Variants in TSHZ2 observed in about 807,000 individuals in gnomAD.
TSHZ2 encodes teashirt homolog 2.
In TSHZ2, 21 loss-of-function variants were observed where a neutral mutation model predicts 74.4. That is an observed-to-expected ratio of 0.28 (90% CI 0.20 to 0.41). TSHZ2 has a LOEUF of 0.41. Among genes scored for constraint, TSHZ2 ranks in the 10% least tolerant of loss-of-function variants. TSHZ2 has a pLI of 1.00. For synonymous variants in TSHZ2, 540 were observed against 515.3 expected (o/e 1.05, Z -0.65); for missense variants, 1,244 against 1,293.5 (o/e 0.96, Z 0.59).
rs1600623038 is a variant in TSHZ2, at chr20:52,972,873, T to C, written c.-421T>C. On this transcript the variant is annotated 5_prime_UTR_variant, in exon 1 of 3. Transcript: ENST00000371497. ...CGCGCGAGTGTGCCTGTGGCGCGTGTGCGCCCCTCGTCCCTTCCATCCGAA... is the reference window on the plus strand; with the variant it reads ...CGCGCGAGTGTGCCTGTGGCGCGTGCGCGCCCCTCGTCCCTTCCATCCGAA... 4.0e-5 allele frequency: 9 copies of C among 224,668 alleles called. No homozygotes were observed. The South Asian group carries it at 1.4e-3, about 35-fold the overall frequency. The allele number at this position is 224,668 out of a possible 1,614,324, so 13.9% of individuals were successfully genotyped here.
intron 1 of TSHZ2, among the ~76,000 whole-genome samples, chr20:52,997,752 G>A (rs1353536720): frequency 6.6e-6 from 1 of 152,158 alleles, no homozygotes; most frequent in Non-Finnish European, 1.5e-5. Context: ...AATCTTTGTG[G>A]CTTCCAAAGG....
chr20:53,349,410 A>T (rs1250129807), intron 2 of TSHZ2, among the ~76,000 whole-genome samples: 1 of 152,214 alleles, frequency 6.6e-6, no homozygotes, highest in African/African-American at 2.4e-5. Flanking sequence ...CTAGCACTTT[A>T]AGAGGCTGAG....
At chr20:53,219,681 C>T (rs1016915364) in intron 1 of TSHZ2, among the ~76,000 whole-genome samples, 3 of 152,050 alleles carry the variant, frequency 2.0e-5, no homozygotes, top group East Asian at 1.9e-4. Flanking sequence ...AGAGCTCCAG[C>T]GATCAAAGAA....
At chr20:53,107,051 C>T (rs547958063) in intron 1 of TSHZ2, among the ~76,000 whole-genome samples, 1 of 152,252 alleles carries the variant, frequency 6.6e-6, no homozygotes, top group South Asian at 2.1e-4. Flanking sequence ...TGTATCTTTC[C>T]CGTTGCTGTT....
At chr20:53,367,525 G>C (rs1422141621) in intron 2 of TSHZ2, among the ~76,000 whole-genome samples, 1 of 152,138 alleles carries the variant, frequency 6.6e-6, no homozygotes, top group African/African-American at 2.4e-5. Context: ...ACCCTAGATA[G>C]TAGGTACTGC....
At chr20:53,099,000 G>A (rs1386628884) in intron 1 of TSHZ2, among the ~76,000 whole-genome samples, 1 of 152,158 alleles carries the variant, frequency 6.6e-6, no homozygotes, top group African/African-American at 2.4e-5. Context: ...CATTGCCAAT[G>A]AGTCTTTGCC....
chr20:53,096,211 G>A (rs1986040528), intron 1 of TSHZ2, among the ~76,000 whole-genome samples: 1 of 152,068 alleles, frequency 6.6e-6, no homozygotes, highest in African/African-American at 2.4e-5. Context: ...CTGCAATCTC[G>A]GCTCACTGCA....
chr20:53,247,334 T>C (rs1226389698), intron 1 of TSHZ2, among the ~76,000 whole-genome samples: 1 of 152,200 alleles, frequency 6.6e-6, no homozygotes, highest in Non-Finnish European at 1.5e-5. Flanking sequence ...AAATGAAGTC[T>C]GTGCTCAGGA....
At chr20:53,390,910 G>A (rs1322589106) in intron 2 of TSHZ2, among the ~76,000 whole-genome samples, 2 of 152,196 alleles carry the variant, frequency 1.3e-5, no homozygotes, top group East Asian at 3.8e-4. Context: ...AGGGACCAGA[G>A]AGTAAATATT....
At chr20:53,006,487 G>A (rs1474980819) in intron 1 of TSHZ2, among the ~76,000 whole-genome samples, 3 of 152,190 alleles carry the variant, frequency 2.0e-5, no homozygotes, top group Non-Finnish European at 4.4e-5. Context: ...TAGCCAATAG[G>A]GAGTGGTGAG....
intron 2 of TSHZ2, among the ~76,000 whole-genome samples, chr20:53,452,561 C>T (rs1005487908): frequency 1.4e-4 from 21 of 149,314 alleles, no homozygotes; most frequent in East Asian, 7.9e-4. Flanking sequence ...ATTGAGCCAC[C>T]GCACTCTAGC....
chr20:53,141,252 C>T (rs1987394576), intron 1 of TSHZ2, among the ~76,000 whole-genome samples: 4 of 152,210 alleles, frequency 2.6e-5, no homozygotes, highest in Non-Finnish European at 5.9e-5. Context: ...CAGCCAGCCT[C>T]CAGAGTTGTC....
chr20:53,000,087 A>G (rs1421785552), intron 1 of TSHZ2, among the ~76,000 whole-genome samples: 1 of 152,216 alleles, frequency 6.6e-6, no homozygotes, highest in Non-Finnish European at 1.5e-5. Context: ...CTCACTCACC[A>G]TTATAGACAT....
At chr20:53,233,294 T>C (rs1383727387) in intron 1 of TSHZ2, among the ~76,000 whole-genome samples, 2 of 152,152 alleles carry the variant, frequency 1.3e-5, no homozygotes, top group Admixed American at 1.3e-4. Flanking sequence ...CCTCATGGAG[T>C]GTAAATGGCA....
intron 1 of TSHZ2, among the ~76,000 whole-genome samples, chr20:53,148,773 T>C (rs963241787): frequency 1.5e-4 from 23 of 152,206 alleles, no homozygotes; most frequent in African/African-American, 5.3e-4. Context: ...ACAGTCTTTG[T>C]ATGGAGGGAA....
intron 1 of TSHZ2, among the ~76,000 whole-genome samples, chr20:53,169,974 A>AT (rs1223052433): frequency 6.6e-6 from 1 of 152,126 alleles, no homozygotes; most frequent in Non-Finnish European, 1.5e-5. Flanking sequence ...ATATATGCCC[A>AT]TTTTTTCTGA....
At chr20:53,118,350 C>A (rs760180771) in intron 1 of TSHZ2, among the ~76,000 whole-genome samples, 1 of 151,980 alleles carries the variant, frequency 6.6e-6, no homozygotes, top group Non-Finnish European at 1.5e-5. Flanking sequence ...TATGTGAGGT[C>A]CACTGAAAGC....
At chr20:53,485,768 GAGCTTTA>G (rs374001326) in intron 2 of TSHZ2, among the ~76,000 whole-genome samples, 33 of 152,050 alleles carry the variant, frequency 2.2e-4, no homozygotes, top group African/African-American at 8.0e-4. Context: ...ACGTGAATGA[GAGCTTTA>G]AGCCTAGTAT....
At chr20:53,184,955 C>T (rs1600729377) in intron 1 of TSHZ2, among the ~76,000 whole-genome samples, 2 of 152,144 alleles carry the variant, frequency 1.3e-5, no homozygotes, top group Non-Finnish European at 2.9e-5. Context: ...GTGATCTGCC[C>T]GCATTGGCCT....
Sources: allele counts gnomAD v4.1 joint callset (sites outside exome capture counted in the v4.1 genomes callset), GRCh38; gene constraint gnomAD v4.1.1; transcripts MANE v1.5; gene names NCBI Gene and HGNC (gene_info 2026-07-23, HGNC 2026-07-21).